The following LRR1 variants were observed in gnomAD, a reference collection of about 807,000 sequenced individuals.
The protein encoded by LRR1 is leucine rich repeat protein 1.
A neutral mutation model predicts 31.6 loss-of-function variants in LRR1; 29 were observed. That is an observed-to-expected ratio of 0.92 (90% CI 0.68 to 1.25). The LOEUF (loss-of-function observed/expected upper bound fraction) is 1.25. LRR1 is among the 50% of genes most tolerant of loss of function. The pLI, the probability that LRR1 is intolerant of heterozygous loss-of-function variation, is 0.00. For missense variants in LRR1, 485 were observed against 487.2 expected (o/e 1.00, Z 0.04); for synonymous variants, 179 against 181.4 (o/e 0.99, Z 0.10).
chr14:49,612,561 A>G (rs1345771285), intron 3 of LRR1: 17 of 1,198,112 alleles, frequency 1.4e-5, no homozygotes, highest in Non-Finnish European at 1.7e-5. Context: ...GCAACAGATT[A>G]ATAAGTCTTT....
chr14:49,614,133 A>G, intron 3 of LRR1, 123 bp from the exon 4 acceptor site: 1 of 969,648 alleles, frequency 1.0e-6, no homozygotes, highest in Non-Finnish European at 1.5e-6. Flanking sequence ...GTTTTTTAGT[A>G]TATTTTAAAT....
chr14:49,610,745 G>C (rs569533049), intron 3 of LRR1, among the ~76,000 whole-genome samples: 1 of 140,568 alleles, frequency 7.1e-6, no homozygotes, highest in Admixed American at 7.6e-5. Context: ...TGTATTTTTA[G>C]TAGAGACAGG....
At position 49,599,179 on chromosome 14, in the gene LRR1, G is replaced by A. The variant is rs376200466; in HGVS notation, c.159G>A (p.Lys53=). The change falls in exon 1 of 4, where the codon AAG becomes AAA. Residue 53 remains lysine (K), a synonymous_variant. Transcript: ENST00000298288. ...VRAFLLISTL[K]DKRGTRYELR... ...CCTTCCTGCTCATCTCCACCCTGAA[G>A]GACAAGCGCGGGACCCGCTATGAGG... 10 of 1,608,008 alleles carry A rather than the reference G, an allele frequency of 6.2e-6. No homozygotes were observed. The highest frequency in any genetic ancestry group is 8.5e-6 in the Non-Finnish European group (10 of 1,177,722).
chr14:49,612,421 A>C, intron 3 of LRR1: 1 of 1,161,426 alleles, frequency 8.6e-7, no homozygotes, highest in Non-Finnish European at 1.1e-6. Flanking sequence ...AATTTAAGTT[A>C]TGTCAGATAG....
intron 1 of LRR1, among the ~76,000 whole-genome samples, chr14:49,601,816 TAAAA>T (rs11319854): frequency 1.1e-5 from 1 of 90,746 alleles, no homozygotes; most frequent in Non-Finnish European, 2.1e-5. Flanking sequence ...TCCCAACTGC[TAAAA>T]AAAAAAAAAA....
intron 3 of LRR1, among the ~76,000 whole-genome samples, chr14:49,612,879 T>C (rs2139555206): frequency 6.6e-6 from 1 of 152,138 alleles, no homozygotes; most frequent in African/African-American, 2.4e-5. Flanking sequence ...CAAGACTGTG[T>C]TTTAGTGTCT....
chr14:49,610,798 G>A (rs1355978928), intron 3 of LRR1, among the ~76,000 whole-genome samples: 1 of 151,848 alleles, frequency 6.6e-6, no homozygotes, highest in African/African-American at 2.4e-5. Context: ...TCCTAACCTT[G>A]TGATCCACCT....
Position 49,607,456 on chromosome 14 carries a change from C to A in LRR1, c.339C>A (p.Gly113=). 1 of 1,611,754 alleles carries A rather than the reference C, an allele frequency of 6.2e-7. No homozygotes were observed. Among genetic ancestry groups the A allele is most frequent in the Non-Finnish European group, 8.5e-7 (1 of 1,179,250 alleles). The change falls in exon 3 of 4, where the codon GGC becomes GGA. Residue 113 remains glycine (G), a synonymous_variant. Coordinates refer to ENST00000298288, the MANE Select transcript of LRR1 (RefSeq NM_152329.4). ...CAGCTATGAGACTGGCTCATAGAGG[C>A]TGTAATGTTGATACACCAGTTTCAA... ...FLSAMRLAHR[G]CNVDTPVSTL...
At chr14:49,600,030 G>T (rs1324698538) in intron 1 of LRR1, 159 of 1,609,000 alleles carry the variant, frequency 9.9e-5, no homozygotes, top group Non-Finnish European at 1.3e-4. Flanking sequence ...GCTCAAGTGC[G>T]TGGTGGTCGG....
intron 3 of LRR1, among the ~76,000 whole-genome samples, chr14:49,609,993 CCT>C (rs1882453001): frequency 6.6e-6 from 1 of 152,136 alleles, no homozygotes. Context: ...CAGGTGTGAG[CCT>C]CTCAAAGTGC....
intron 2 of LRR1, among the ~76,000 whole-genome samples, chr14:49,606,024 T>C (rs1431571998): frequency 6.6e-6 from 1 of 151,460 alleles, no homozygotes; most frequent in Non-Finnish European, 1.5e-5. Context: ...AATTAGCTTT[T>C]TTTTTTTTCT....
chr14:49,599,232 C>G, intron 1 of LRR1, 29 bp downstream of exon 1: 2 of 1,557,664 alleles, frequency 1.3e-6, no homozygotes, highest in Non-Finnish European at 1.7e-6. Flanking sequence ...CCCTGTCAGT[C>G]TCGCGTTCTT....
In LRR1 at chr14:49,614,425, A is replaced by T. The variant is rs766870127; in HGVS notation, c.1174A>T (p.Thr392Ser). 4.8e-5 allele frequency: 77 copies of T among 1,613,892 alleles called. No individual in the cohort carries two copies. The highest frequency in any genetic ancestry group is 6.4e-5 in the Non-Finnish European group (75 of 1,179,940). The change falls in exon 4 of 4, where the codon ACT (threonine) becomes TCT (serine). Residue 392 changes from threonine (T) to serine (S), a missense_variant. Coordinates refer to ENST00000298288, the MANE Select transcript of LRR1 (RefSeq NM_152329.4). The part of the protein sequence containing the change: ...TVVLVDNLGG[T>S]EAPIISYFCS... ...GGTCTTAGTAGATAATTTGGGTGGT[A>T]CTGAAGCACCTATTATCTCTTATTT...
At position 49,599,156 on chromosome 14, in the gene LRR1, T is replaced by A. The variant is rs373228685; in HGVS notation, c.136T>A (p.Phe46Ile). The A allele has an allele frequency of 5.3e-5, 86 of 1,609,000 alleles. 1 individual carries two copies. Among genetic ancestry groups the A allele is most frequent in the Non-Finnish European group, 6.7e-5 (79 of 1,178,070 alleles). Residue 46 changes from phenylalanine to isoleucine, a missense_variant, in exon 1 of 4, where the codon TTC (phenylalanine) becomes ATC (isoleucine). Physicochemically the swap from Phe to Ile is conservative, Grantham distance 21 (BLOSUM62 0). Transcript: ENST00000298288. ...CAGGAGTCAGCCGCCGGTCCGAGCC[T>A]TCCTGCTCATCTCCACCCTGAAGGA... Reference protein sequence around the residue: ...TSRSQPPVRAFLLISTLKDKR... With the variant: ...TSRSQPPVRAILLISTLKDKR...
At chr14:49,601,960 G>A (rs6572590) in intron 1 of LRR1, among the ~76,000 whole-genome samples, 1 of 151,560 alleles carries the variant, frequency 6.6e-6, no homozygotes, top group South Asian at 2.1e-4. Flanking sequence ...TGATGAAACC[G>A]TGTTTCTACT....
chr14:49,610,607 G>A (rs547662086), intron 3 of LRR1, among the ~76,000 whole-genome samples: 8 of 150,710 alleles, frequency 5.3e-5, no homozygotes, highest in Non-Finnish European at 1.2e-4. Flanking sequence ...CTCTTGCCCG[G>A]GCTGGAGTGG....
chr14:49,604,453 A>T (rs1052680476), intron 2 of LRR1, among the ~76,000 whole-genome samples: 1 of 152,190 alleles, frequency 6.6e-6, no homozygotes, highest in Non-Finnish European at 1.5e-5. Context: ...TGATCCCAGC[A>T]CTTTGGGAGC....
At chr14:49,602,577 G>C in intron 2 of LRR1, 109 bp downstream of exon 2, 1 of 828,324 alleles carries the variant, frequency 1.2e-6, no homozygotes, top group Non-Finnish European at 1.9e-6. Flanking sequence ...CATAGTCATA[G>C]CTCACTGCAT....
intron 3 of LRR1, among the ~76,000 whole-genome samples, chr14:49,611,853 G>A (rs1388222317): frequency 1.3e-5 from 2 of 151,736 alleles, no homozygotes; most frequent in South Asian, 2.1e-4. Flanking sequence ...GAACCCGGGA[G>A]GTTGAGGTTG....
Sources: allele counts gnomAD v4.1 joint callset (sites outside exome capture counted in the v4.1 genomes callset), GRCh38; gene constraint gnomAD v4.1.1; transcripts MANE v1.5; gene names NCBI Gene and HGNC (gene_info 2026-07-23, HGNC 2026-07-21).